MLXIPL: variants seen among roughly 807,000 people sequenced by gnomAD.
MLXIPL encodes the protein MLX interacting protein like.
MLXIPL carries 49 observed loss-of-function variants against 81.5 expected under a neutral mutation model. The observed-to-expected ratio is 0.60, with a 90% CI of 0.48 to 0.76. The LOEUF is 0.76. Among genes scored for constraint, MLXIPL ranks in the 30% least tolerant of loss-of-function variants. The pLI, the probability that MLXIPL is intolerant of heterozygous loss-of-function variation, is 0.00. For synonymous variants in MLXIPL, 466 were observed against 485.5 expected (o/e 0.96, Z 0.53); for missense variants, 1,053 against 1,167.0 (o/e 0.90, Z 1.42).
At chr7:73,606,388 C>T in intron 5 of MLXIPL, 2 of 523,608 alleles carry the variant, frequency 3.8e-6, no homozygotes, top group South Asian at 2.9e-5. Flanking sequence ...GTTCTTTGGT[C>T]CCTCTGGTTT....
At chr7:73,605,791 C>T (rs782349084) in intron 6 of MLXIPL, 23 bp from the exon 7 acceptor site, 28 of 1,609,564 alleles carry the variant, frequency 1.7e-5, no homozygotes, top group Non-Finnish European at 2.4e-5. Flanking sequence ...GTGGCGACAT[C>T]AGCAGCAGCA....
At chr7:73,617,067 G>A (rs1796049588) in intron 1 of MLXIPL, among the ~76,000 whole-genome samples, 1 of 152,058 alleles carries the variant, frequency 6.6e-6, no homozygotes, top group African/African-American at 2.4e-5. Context: ...CCAGGCTGGA[G>A]TGCAGTGGTG....
At chr7:73,601,180 T>A (rs1794793043) in intron 7 of MLXIPL, among the ~76,000 whole-genome samples, 1 of 136,942 alleles carries the variant, frequency 7.3e-6, no homozygotes, top group Non-Finnish European at 1.6e-5. Flanking sequence ...GGGTCAAGTG[T>A]GTGTGTGTGT....
the MLXIPL span, among the ~76,000 whole-genome samples, chr7:73,635,635 T>G: frequency 2.6e-5 from 4 of 151,852 alleles, no homozygotes; most frequent in African/African-American, 9.7e-5. Flanking sequence ...TCCACCCATC[T>G]CTTTTTCCAT....
chr7:73,621,581 G>GAAAAC (rs1236035728), intron 1 of MLXIPL, among the ~76,000 whole-genome samples: 1 of 151,990 alleles, frequency 6.6e-6, no homozygotes, highest in Non-Finnish European at 1.5e-5. Context: ...CTTTGAGGAT[G>GAAAAC]AAAACACTGT....
At chr7:73,606,668 C>T (rs1795305164) in intron 5 of MLXIPL, 1 of 397,810 alleles carries the variant, frequency 2.5e-6, no homozygotes, top group Non-Finnish European at 4.8e-6. Context: ...TCAGATGACC[C>T]ACCCGCCTCG....
At chr7:73,630,841 T>C in the MLXIPL span, among the ~76,000 whole-genome samples, 2 of 152,154 alleles carry the variant, frequency 1.3e-5, no homozygotes, top group Non-Finnish European at 1.5e-5. Context: ...TCTACTAGCA[T>C]TGAGCATCTC....
the MLXIPL span, among the ~76,000 whole-genome samples, chr7:73,629,827 A>T: frequency 6.6e-6 from 1 of 152,118 alleles, no homozygotes; most frequent in African/African-American, 2.4e-5. Flanking sequence ...CATTTTACAG[A>T]TGGGGAGACT....
At chr7:73,624,756 G>A (rs1554603355), upstream of MLXIPL, among the ~76,000 whole-genome samples, 1 of 152,160 alleles carries the variant, frequency 6.6e-6, no homozygotes, top group African/African-American at 2.4e-5. Flanking sequence ...TTGCTCCAAA[G>A]GGATATTAAG....
At chr7:73,612,447 C>T (rs1337902663) in intron 2 of MLXIPL, among the ~76,000 whole-genome samples, 1 of 152,048 alleles carries the variant, frequency 6.6e-6, no homozygotes, top group Non-Finnish European at 1.5e-5. Context: ...TCGAGACCAG[C>T]CTGACCAACA....
chr7:73,594,151 CG>C, intron 16 of MLXIPL, 122 bp downstream of exon 16: 1 of 1,499,224 alleles, frequency 6.7e-7, no homozygotes, highest in Non-Finnish European at 9.2e-7. Flanking sequence ...CTGGGGGATG[CG>C]GGGTGGCCAC....
chr7:73,616,848 C>CA (rs35467108), intron 1 of MLXIPL, among the ~76,000 whole-genome samples: 14,458 of 51,020 alleles, frequency 0.28, 1,441 homozygotes, highest in African/African-American at 0.33. Context: ...AACTCCGTCT[C>CA]AAAAAAAAAA....
At chr7:73,632,532 G>A in the MLXIPL span, among the ~76,000 whole-genome samples, 1 of 152,002 alleles carries the variant, frequency 6.6e-6, no homozygotes, top group South Asian at 2.1e-4. Flanking sequence ...TATTTCCCTC[G>A]GCCACAACCA....
At chr7:73,595,543 G>C (rs1284882853) in intron 15 of MLXIPL, 94 bp downstream of exon 15, 2 of 1,610,546 alleles carry the variant, frequency 1.2e-6, no homozygotes, top group Admixed American at 1.7e-5. Flanking sequence ...GAGCCTGCCC[G>C]GCCTGGAGAG....
upstream of MLXIPL, among the ~76,000 whole-genome samples, chr7:73,624,777 C>T (rs1186609013): frequency 6.6e-6 from 1 of 152,146 alleles, no homozygotes; most frequent in Non-Finnish European, 1.5e-5. Context: ...AAAGGTCAGG[C>T]CGGACGCCAG....
At chr7:73,600,698 G>T (rs1368227830) in intron 7 of MLXIPL, among the ~76,000 whole-genome samples, 2 of 123,402 alleles carry the variant, frequency 1.6e-5, no homozygotes, top group African/African-American at 2.9e-5. Context: ...GGGGGCGAGA[G>T]GGGCCCTAAG....
upstream of MLXIPL, among the ~76,000 whole-genome samples, chr7:73,625,896 C>T (rs1796714280): frequency 6.6e-6 from 1 of 152,206 alleles, no homozygotes; most frequent in Non-Finnish European, 1.5e-5. Flanking sequence ...GGAAGGTGGA[C>T]ATCCCCTAGG....
chr7:73,612,841 C>T (rs1554599993), intron 2 of MLXIPL, among the ~76,000 whole-genome samples: 1 of 152,084 alleles, frequency 6.6e-6, no homozygotes, highest in Non-Finnish European at 1.5e-5. Flanking sequence ...ACCCTTTGCA[C>T]CTATGCTGAG....
Position 73,605,671 on chromosome 7 carries a change from G to A in MLXIPL, c.901+17C>T, listed in dbSNP as rs1795214177. On this transcript the variant is annotated intron_variant, in intron 7 of 16. Transcript: ENST00000313375. ...GACCCTGCCCGTCCACCCGACCTGG[G>A]GAGGGGCTCGCCCCACCTGAGATGT... The A allele has an allele frequency of 1.2e-6, 2 of 1,612,830 alleles. No homozygotes were observed. The highest frequency in any genetic ancestry group is 2.7e-5 in the African/African-American group (2 of 74,912).
Sources: allele counts gnomAD v4.1 joint callset (sites outside exome capture counted in the v4.1 genomes callset), GRCh38; gene constraint gnomAD v4.1.1; transcripts MANE v1.5; gene names NCBI Gene and HGNC (gene_info 2026-07-23, HGNC 2026-07-21).